JAG1: variants seen among roughly 807,000 people sequenced by gnomAD.
JAG1 encodes protein jagged-1.
A neutral mutation model predicts 148.7 loss-of-function variants in JAG1; 23 were observed. The ratio of observed to expected loss-of-function variants is 0.15; its 90% CI spans 0.11 to 0.22. JAG1 has a LOEUF of 0.22. Among genes scored for constraint, JAG1 ranks in the 10% least tolerant of loss-of-function variants. JAG1 has a pLI of 1.00. For missense variants in JAG1, 1,054 were observed against 1,611.2 expected, an observed-to-expected ratio of 0.65 and a Z score of 5.92; for synonymous variants, 572 against 598.3, an observed-to-expected ratio of 0.96 and a Z score of 0.64.
chr20:10,645,391 C>T lies in JAG1; in HGVS notation c.2078G>A (p.Cys693Tyr), dbSNP rs566563238. The change falls in exon 16 of 26, where the codon TGT (cysteine) becomes TAT (tyrosine). Residue 693 changes from cysteine (C) to tyrosine (Y), a missense_variant. Cys to Tyr is a radical substitution (Grantham distance 194). Coordinates refer to ENST00000254958, the MANE Select transcript of JAG1 (RefSeq NM_000214.3). This position sits in a 1 kb window ranked among gnomAD's most constrained non-coding sequence, Gnocchi z 6.1. The part of the protein sequence containing the change: ...RDLVNDFYCD[C>Y]KNGWKGKTCH... Reference sequence around the variant, plus strand: ...GGTCTTTCCTTTCCACCCATTTTTACAGTCACAGTAGAAGTCATTGACCAG... The same window carrying T: ...GGTCTTTCCTTTCCACCCATTTTTATAGTCACAGTAGAAGTCATTGACCAG... The T allele has an allele frequency of 6.2e-7, 1 of 1,612,998 alleles. No homozygotes were observed. The highest frequency in any genetic ancestry group is 1.3e-5 in the African/African-American group (1 of 75,008).
chr20:10,647,466 A>T (rs1460615444), intron 13 of JAG1, among the ~76,000 whole-genome samples: 3 of 152,366 alleles, frequency 2.0e-5, no homozygotes, highest in African/African-American at 7.2e-5. Context: ...GGACAATCTT[A>T]TAGAAGCTTT....
At position 10,639,626 on chromosome 20, in the gene JAG1, T is replaced by C; in HGVS notation, c.3529A>G (p.Thr1177Ala). ...KARFAKQPAY[T>A]LVDREEKPPN... ...GGCTTCTCTTCTCTGTCTACCAGCG[T>C]GTACGCCGGCTGCTTGGCAAACCGG... Residue 1177 changes from threonine to alanine, a missense_variant, in exon 26 of 26, where the codon ACG becomes GCG. Thr to Ala is a moderately conservative substitution (Grantham distance 58). Transcript: ENST00000254958. 6.2e-7 allele frequency: 1 copy of C among 1,614,230 alleles called. No homozygotes were observed. Among genetic ancestry groups the C allele is most frequent in the Non-Finnish European group, 8.5e-7 (1 of 1,180,032 alleles).
At chr20:10,651,464 G>GCA in intron 8 of JAG1, 117 bp downstream of exon 8, 1 of 687,536 alleles carries the variant, frequency 1.5e-6, no homozygotes, top group African/African-American at 1.8e-5. Flanking sequence ...ACTTAGGCCT[G>GCA]CACCCGCCCC....
chr20:10,669,507 G>A lies in JAG1; in HGVS notation c.387+3194C>T, dbSNP rs181605174. On this transcript the variant is annotated intron_variant, in intron 2 of 25. Coordinates refer to ENST00000254958, the MANE Select transcript of JAG1 (RefSeq NM_000214.3). ...TGAAGCATGAAGGGGGCCAAAGCTGGCATCCCTCACACAGAAGAATCACGT... is the reference window on the plus strand; with the variant it reads ...TGAAGCATGAAGGGGGCCAAAGCTGACATCCCTCACACAGAAGAATCACGT... 5.1e-5 allele frequency among the ~76,000 whole-genome samples: 6 copies of A among 118,072 alleles called. No individual in the cohort carries two copies. In the East Asian group the frequency reaches 1.1e-3, roughly 22 times the overall value. The allele number at this position is 118,072 out of a possible 152,430, so 77.5% of individuals were successfully genotyped here. A position where few individuals can be genotyped will look rare whatever the true frequency, so the allele number is the denominator to read the frequency against.
intron 3 of JAG1, among the ~76,000 whole-genome samples, chr20:10,659,622 C>G (rs2067402644): frequency 1.7e-5 from 2 of 119,632 alleles, no homozygotes; most frequent in South Asian, 5.9e-4. Flanking sequence ...AAAGCCAGCT[C>G]TTAAATACCA....
intron 2 of JAG1, among the ~76,000 whole-genome samples, chr20:10,668,422 G>A (rs2067471705): frequency 6.6e-6 from 1 of 152,232 alleles, no homozygotes; most frequent in Non-Finnish European, 1.5e-5. Flanking sequence ...AGAGCAACAT[G>A]CCTTACAGAA....
chr20:10,642,939 A>G (rs999992602), intron 20 of JAG1, among the ~76,000 whole-genome samples: 3 of 152,258 alleles, frequency 2.0e-5, no homozygotes, highest in South Asian at 2.1e-4. Flanking sequence ...TGGGGTATAT[A>G]GTCTCTGTCA....
rs2067248301 is a variant in JAG1 at position 10,638,603 on chromosome 20, T to C, written c.*895A>G. On this transcript the variant is annotated 3_prime_UTR_variant, in exon 26 of 26. Coordinates refer to ENST00000254958, the MANE Select transcript of JAG1 (RefSeq NM_000214.3). ...GTCAGTCCTTAAAACGTGTTTTAAG[T>C]GATGCTATAGAAGGTGTTTTAAACA... 3 of 152,590 alleles carry C rather than the reference T, an allele frequency of 2.0e-5. No homozygotes were observed. 9.5% of individuals were successfully genotyped at this position (152,590 alleles called of 1,614,324 possible). A position where few individuals can be genotyped will look rare whatever the true frequency, so the allele number is the denominator to read the frequency against.
intron 21 of JAG1, 36 bp downstream of exon 21, chr20:10,642,452 G>A (rs2067279215): frequency 7.9e-7 from 1 of 1,270,838 alleles, no homozygotes; most frequent in Non-Finnish European, 1.2e-6. Flanking sequence ...GCTCACCCCA[G>A]AAGACCCATG....
At chr20:10,646,280 T>TA in intron 14 of JAG1, 196 bp from the exon 15 acceptor site, 1 of 607,760 alleles carries the variant, frequency 1.6e-6, no homozygotes, top group South Asian at 1.8e-5. Flanking sequence ...CTTACCCACT[T>TA]AATGCCCTCA....
intron 3 of JAG1, 28 bp downstream of exon 3, chr20:10,663,935 G>C (rs533838606): frequency 7.5e-6 from 12 of 1,603,504 alleles, no homozygotes; most frequent in Middle Eastern, 1.6e-4. Context: ...CGTGTGTTTA[G>C]AGAAAAGTCC....
rs938040967 is a variant in JAG1, at chr20:10,645,049, G to C, written c.2228-70C>G. On this transcript the variant is annotated intron_variant, in intron 17 of 25. Coordinates refer to ENST00000254958, the MANE Select transcript of JAG1 (RefSeq NM_000214.3). This position sits in a 1 kb window ranked among gnomAD's most constrained non-coding sequence, Gnocchi z 6.1. Reference sequence around the variant, plus strand: ...AAACAGTCTGGAGGGGCAAGAACCAGGCCCAGAGAAATATCATAAGCTCCA... The same window carrying C: ...AAACAGTCTGGAGGGGCAAGAACCACGCCCAGAGAAATATCATAAGCTCCA... The C allele has an allele frequency of 2.0e-6, 3 of 1,518,910 alleles. No homozygotes were observed. In the African/African-American group the frequency reaches 4.1e-5, roughly 21 times the overall value. 94.1% of individuals were successfully genotyped at this position (1,518,910 alleles called of 1,614,324 possible).
At chr20:10,641,404 T>A in intron 23 of JAG1, 56 bp downstream of exon 23, 1 of 1,548,508 alleles carries the variant, frequency 6.5e-7, no homozygotes, top group South Asian at 1.1e-5. Flanking sequence ...ATTCCTCCTT[T>A]AAAGCAAGCA....
chr20:10,672,021 G>T (rs2067499013), intron 2 of JAG1, among the ~76,000 whole-genome samples: 1 of 151,772 alleles, frequency 6.6e-6, no homozygotes, highest in Non-Finnish European at 1.5e-5. Context: ...TGGAAGTGAG[G>T]CCACAAGAGC....
chr20:10,640,877 T>TATTTTGTCAGTG lies in JAG1; in HGVS notation c.3093_3104dup (p.Thr1032_Ile1035dup). 1 of 1,614,034 alleles carries TATTTTGTCAGTG rather than the reference T, an allele frequency of 6.2e-7. No homozygotes were observed. Among genetic ancestry groups the TATTTTGTCAGTG allele is most frequent in the South Asian group, 1.1e-5 (1 of 91,080 alleles). On this transcript the variant is annotated inframe_insertion, in exon 25 of 26. Transcript: ENST00000254958. ...CATCACGTTTACTAACAAGATCGATTATTTTGTCAGTGATTTCCTTGATCG... is the reference window on the plus strand; with the variant it reads ...CATCACGTTTACTAACAAGATCGATTATTTTGTCAGTGATTTTGTCAGTGATTTCCTTGATCG...
chr20:10,645,204 A>T lies in JAG1; in HGVS notation c.2166T>A (p.Asp722Glu). The change falls in exon 17 of 26, where the codon GAT (aspartate) becomes GAA (glutamate). Residue 722 changes from aspartate to glutamate, a missense_variant. Transcript: ENST00000254958. The surrounding 1 kb of genome is among the most constrained non-coding windows in gnomAD (Gnocchi z 6.1). The part of the protein sequence containing the change: ...ATCNNGGTCY[D>E]EGDAFKCMCP... ...ACATGCACTTAAAAGCATCCCCCTCATCATAGCAGGTGCCACCGTTGTTGC... is the reference window on the plus strand; with the variant it reads ...ACATGCACTTAAAAGCATCCCCCTCTTCATAGCAGGTGCCACCGTTGTTGC... The T allele has an allele frequency of 6.2e-7, 1 of 1,614,134 alleles. No homozygotes were observed. Among genetic ancestry groups the T allele is most frequent in the Non-Finnish European group, 8.5e-7 (1 of 1,179,998 alleles).
At chr20:10,641,004 C>A in intron 24 of JAG1, 71 bp from the exon 25 acceptor site, 1 of 1,610,698 alleles carries the variant, frequency 6.2e-7, no homozygotes. Flanking sequence ...AATTACTCGA[C>A]AATCTGTGTC....
chr20:10,646,606 A>G (rs1345242249), intron 14 of JAG1, among the ~76,000 whole-genome samples: 1 of 151,196 alleles, frequency 6.6e-6, no homozygotes, highest in Non-Finnish European at 1.5e-5. Context: ...TGAGGCTGGG[A>G]GTTCGAGACC....
intron 21 of JAG1, among the ~76,000 whole-genome samples, chr20:10,642,189 C>T (rs1467294732): frequency 2.0e-5 from 3 of 152,186 alleles, no homozygotes; most frequent in African/African-American, 4.8e-5. Context: ...ACTGGTCGAA[C>T]TGAACCCAAC....
Sources: gnomAD v4.1 joint callset for allele counts (sites outside exome capture counted in the v4.1 genomes callset) on GRCh38, gnomAD v4.1.1 for gene constraint, Gnocchi (gnomAD v3.1) non-coding constraint, MANE v1.5 for transcripts, NCBI Gene and HGNC (gene_info 2026-07-23, HGNC 2026-07-21) for gene names.